The following XRCC5 variants were observed in gnomAD, a reference collection of about 807,000 sequenced individuals.
The protein encoded by XRCC5 is DNA repair protein Ku80.
In XRCC5, 12 loss-of-function variants were observed where a neutral mutation model predicts 95.7. The ratio of observed to expected loss-of-function variants is 0.13; its 90% CI spans 0.08 to 0.20. The LOEUF (loss-of-function observed/expected upper bound fraction) is 0.20, where lower values mean the gene tolerates loss of function less well. Among genes scored for constraint, XRCC5 ranks in the 10% least tolerant of loss-of-function variants. The probability of loss-of-function intolerance (pLI) is 1.00; values close to 1 mark genes in which losing one functional copy is unlikely to be tolerated. For missense variants in XRCC5, 595 were observed against 873.9 expected (o/e 0.68, Z 4.02); for synonymous variants, 281 against 290.3 (o/e 0.97, Z 0.33).
intron 16 of XRCC5, among the ~76,000 whole-genome samples, chr2:216,169,910 G>A (rs538231661): frequency 2.0e-5 from 3 of 150,934 alleles, no homozygotes; most frequent in Non-Finnish European, 3.0e-5. Context: ...ATGGTGGTGC[G>A]CACCTGTAGT....
intron 17 of XRCC5, 96 bp downstream of exon 17, chr2:216,190,430 G>A (rs1288623491): frequency 7.6e-6 from 8 of 1,052,582 alleles, no homozygotes; most frequent in Non-Finnish European, 7.0e-6. Flanking sequence ...CTGGGCCGTG[G>A]AAATTATCAT....
intron 19 of XRCC5, 105 bp downstream of exon 19, chr2:216,195,091 C>T: frequency 9.8e-7 from 1 of 1,024,374 alleles, no homozygotes; most frequent in Non-Finnish European, 1.5e-6. Context: ...AATTAGTGTA[C>T]TCATTTTGTA....
intron 2 of XRCC5, 29 bp from the exon 3 acceptor site, chr2:216,116,630 G>GT: frequency 6.2e-7 from 1 of 1,613,726 alleles, no homozygotes; most frequent in Non-Finnish European, 8.5e-7. Flanking sequence ...TTCTAATATG[G>GT]TTTTCAGCCA....
rs1288516285 is a variant in XRCC5, at chr2:216,119,086, C to G, written c.412C>G (p.Leu138Val). 2 of 1,613,942 alleles carry G rather than the reference C, an allele frequency of 1.2e-6. No homozygotes were observed. The highest frequency in any genetic ancestry group is 1.7e-6 in the Non-Finnish European group (2 of 1,179,966). Residue 138 changes from leucine (L) to valine (V), a missense_variant, in exon 5 of 21, where the codon CTC (leucine) becomes GTC (valine). Coordinates refer to ENST00000392132, the MANE Select transcript of XRCC5 (RefSeq NM_021141.4). Reference sequence around the variant, plus strand: ...GAGGCATATTGAAATATTCACTGACCTCAGCAGCCGATTCAGCAAAAGTCA... The same window carrying G: ...GAGGCATATTGAAATATTCACTGACGTCAGCAGCCGATTCAGCAAAAGTCA... ...EKRHIEIFTD[L>V]SSRFSKSQLD...
chr2:216,151,304 A>G (rs1346923277), intron 14 of XRCC5, among the ~76,000 whole-genome samples: 1 of 152,208 alleles, frequency 6.6e-6, no homozygotes, highest in Non-Finnish European at 1.5e-5. Context: ...TGAAATGAAA[A>G]TGTCATCTCT....
intron 13 of XRCC5, among the ~76,000 whole-genome samples, chr2:216,146,437 T>C (rs1057487014): frequency 6.6e-6 from 1 of 152,214 alleles, no homozygotes; most frequent in African/African-American, 2.4e-5. Flanking sequence ...TCACATGCTT[T>C]GTGATAGGAG....
At chr2:216,120,111 G>T (rs940423392) in intron 5 of XRCC5, among the ~76,000 whole-genome samples, 1 of 152,108 alleles carries the variant, frequency 6.6e-6, no homozygotes, top group African/African-American at 2.4e-5. Context: ...CTTTCTGTAC[G>T]ACTGTGGAAA....
At chr2:216,138,786 A>G (rs750548899) in intron 12 of XRCC5, among the ~76,000 whole-genome samples, 10 of 152,208 alleles carry the variant, frequency 6.6e-5, no homozygotes, top group Non-Finnish European at 7.3e-5. Flanking sequence ...GTAATAAAAT[A>G]TAATAGGGGG....
intron 16 of XRCC5, 28 bp from the exon 17 acceptor site, chr2:216,190,197 T>A: frequency 6.2e-7 from 1 of 1,601,008 alleles, no homozygotes; most frequent in Non-Finnish European, 8.6e-7. Context: ...CACTCAAATC[T>A]AAGAAAATTT....
chr2:216,116,670 G>A lies in XRCC5; in HGVS notation c.147G>A (p.Glu49=). 1.9e-6 allele frequency: 3 copies of A among 1,614,134 alleles called. No individual in the cohort carries two copies. The highest frequency in any genetic ancestry group is 2.5e-6 in the Non-Finnish European group (3 of 1,180,002). Residue 49 remains glutamate, a synonymous_variant, in exon 3 of 21, where the codon GAG becomes GAA. Coordinates refer to ENST00000392132, the MANE Select transcript of XRCC5 (RefSeq NM_021141.4). ...TMFVQRQVFA[E]NKDEIALVLF... Reference sequence around the variant, plus strand: ...ACATTTTTTTCTAGGTGTTTGCTGAGAACAAGGATGAGATTGCTTTAGTCC... The same window carrying A: ...ACATTTTTTTCTAGGTGTTTGCTGAAAACAAGGATGAGATTGCTTTAGTCC...
intron 16 of XRCC5, among the ~76,000 whole-genome samples, chr2:216,167,466 T>A (rs1318789557): frequency 6.6e-6 from 1 of 152,154 alleles, no homozygotes; most frequent in Admixed American, 6.6e-5. Flanking sequence ...CATAGCTGTT[T>A]ACTTACATAC....
chr2:216,124,074 A>G (rs557875092), intron 6 of XRCC5, among the ~76,000 whole-genome samples: 4 of 152,316 alleles, frequency 2.6e-5, no homozygotes, highest in African/African-American at 9.6e-5. Flanking sequence ...CCTTAGTCAT[A>G]TTATCTGTGT....
intron 18 of XRCC5, among the ~76,000 whole-genome samples, chr2:216,193,516 G>A (rs1360864784): frequency 1.3e-5 from 2 of 152,030 alleles, no homozygotes. Flanking sequence ...CCTTCTAATG[G>A]GCAACTCTTC....
chr2:216,177,518 C>T (rs1413335333), intron 16 of XRCC5, among the ~76,000 whole-genome samples: 2 of 152,156 alleles, frequency 1.3e-5, no homozygotes, highest in Non-Finnish European at 2.9e-5. Context: ...GAATCCTCTG[C>T]TTCGAGGGAA....
At chr2:216,133,029 G>A (rs1697019339) in intron 10 of XRCC5, among the ~76,000 whole-genome samples, 1 of 152,140 alleles carries the variant, frequency 6.6e-6, no homozygotes, top group Admixed American at 6.6e-5. Context: ...TAATAAACTG[G>A]ATGTAGAAGG....
chr2:216,143,965 C>G (rs374934829), intron 13 of XRCC5, among the ~76,000 whole-genome samples: 1 of 152,018 alleles, frequency 6.6e-6, no homozygotes, highest in Non-Finnish European at 1.5e-5. Flanking sequence ...CCGCCCGCCT[C>G]GGCCTCCCCA....
intron 14 of XRCC5, among the ~76,000 whole-genome samples, chr2:216,153,404 G>A (rs1688781830): frequency 6.6e-6 from 1 of 152,172 alleles, no homozygotes; most frequent in African/African-American, 2.4e-5. Flanking sequence ...CTCAGAAACA[G>A]CAAACATTTA....
chr2:216,193,169 C>A (rs1188776127), intron 18 of XRCC5, among the ~76,000 whole-genome samples: 1 of 152,138 alleles, frequency 6.6e-6, no homozygotes, highest in Non-Finnish European at 1.5e-5. Context: ...TTGGACTTTC[C>A]GTTTCAACAG....
intron 16 of XRCC5, among the ~76,000 whole-genome samples, chr2:216,173,042 G>T (rs1057015534): frequency 4.6e-5 from 7 of 151,856 alleles, no homozygotes; most frequent in Non-Finnish European, 1.0e-4. Context: ...TGGATTATTT[G>T]TTGCTGGTAT....
Sources: gnomAD v4.1 joint callset for allele counts (sites outside exome capture counted in the v4.1 genomes callset) on GRCh38, gnomAD v4.1.1 for gene constraint, MANE v1.5 for transcripts, NCBI Gene and HGNC (gene_info 2026-07-23, HGNC 2026-07-21) for gene names.